Variants in USP6NL observed in about 807,000 individuals in gnomAD.
The protein encoded by USP6NL is USP6 N-terminal like, also known as USP6 N-terminal-like protein.
Under a neutral mutation model 61.9 loss-of-function variants are expected in USP6NL, and 26 were observed. That is an observed-to-expected ratio of 0.42 (90% CI 0.31 to 0.58). USP6NL has a LOEUF of 0.58. USP6NL is among the 20% of genes least tolerant of loss of function. USP6NL has a pLI of 0.16. For synonymous variants in USP6NL, 432 were observed against 390.1 expected (o/e 1.11, Z -1.27); for missense variants, 1,114 against 1,034.3 (o/e 1.08, Z -1.06).
chr10:11,581,388 G>A (rs1207319178), intron 2 of USP6NL, among the ~76,000 whole-genome samples: 3 of 152,200 alleles, frequency 2.0e-5, no homozygotes, highest in Non-Finnish European at 2.9e-5. Flanking sequence ...AGAATATTTG[G>A]ACTCTGCTCT....
intron 2 of USP6NL, among the ~76,000 whole-genome samples, chr10:11,582,520 T>A (rs11257181): frequency 0.067 from 10,264 of 152,306 alleles, 456 homozygotes; most frequent in South Asian, 0.18. Flanking sequence ...TAAAAATTCA[T>A]TGACAACTTG....
chr10:11,546,965 C>T (rs1836293466), intron 2 of USP6NL, among the ~76,000 whole-genome samples: 7 of 152,170 alleles, frequency 4.6e-5, no homozygotes, highest in South Asian at 2.1e-4. Flanking sequence ...TTCCCCAAAT[C>T]GACAGCCAAT....
intron 6 of USP6NL, among the ~76,000 whole-genome samples, chr10:11,504,035 C>T (rs1027585153): frequency 6.6e-6 from 1 of 152,068 alleles, no homozygotes; most frequent in African/African-American, 2.4e-5. Context: ...ACACCAAAAA[C>T]TTAAAAGGAA....
intron 5 of USP6NL, among the ~76,000 whole-genome samples, chr10:11,512,231 C>T (rs34959719): frequency 0.32 from 48,187 of 151,914 alleles, 8,190 homozygotes; most frequent in East Asian, 0.67. Flanking sequence ...TCGACATATC[C>T]GAAACTATTT....
chr10:11,485,990 T>G lies in USP6NL; in HGVS notation c.665-79A>C. On this transcript the variant is annotated intron_variant, in intron 10 of 14. Coordinates refer to ENST00000609104, the MANE Select transcript of USP6NL (RefSeq NM_014688.5). This position sits in a 1 kb window ranked among gnomAD's most constrained non-coding sequence, Gnocchi z 4.8. ...CAATCTTAAAACACAACATATTTCA[T>G]TTGTAACTGTCAAAAATAAAAAGAA... is the stretch of plus-strand genomic sequence containing the variant. 1 of 981,676 alleles carries G rather than the reference T, an allele frequency of 1.0e-6. No homozygotes were observed. The highest frequency in any genetic ancestry group is 2.8e-5 in the East Asian group (1 of 35,132). The allele number at this position is 981,676 out of a possible 1,614,324, so 60.8% of individuals were successfully genotyped here.
chr10:11,546,820 T>C (rs1198580294), intron 2 of USP6NL, among the ~76,000 whole-genome samples: 4 of 152,226 alleles, frequency 2.6e-5, no homozygotes, highest in Non-Finnish European at 5.9e-5. Flanking sequence ...AATTGCCTAC[T>C]TCCTTTTAAA....
In USP6NL at chr10:11,462,722, A is replaced by G; in HGVS notation, c.2206T>C (p.Trp736Arg). ...CTGTATGTATAACTAACTTCTGACC[A>G]TGTTCTGTTATCTGGCAAGTAATCC... ...PVDYLPDNRT[W>R]SEVSYTYRPE... The change falls in exon 15 of 15, where the codon TGG becomes CGG. Residue 736 changes from tryptophan (W) to arginine (R), a missense_variant. By Grantham distance (101) the Trp-to-Arg change is moderately radical. Coordinates refer to ENST00000609104, the MANE Select transcript of USP6NL (RefSeq NM_014688.5). 1 of 1,614,032 alleles carries G rather than the reference A, an allele frequency of 6.2e-7. No homozygotes were observed. The highest frequency in any genetic ancestry group is 8.5e-7 in the Non-Finnish European group (1 of 1,179,902).
In USP6NL at chr10:11,462,886, G is replaced by A. The variant is rs2096221539; in HGVS notation, c.2042C>T (p.Pro681Leu). Residue 681 changes from proline (P) to leucine (L), a missense_variant, in exon 15 of 15, where the codon CCG (proline) becomes CTG (leucine). Coordinates refer to ENST00000609104, the MANE Select transcript of USP6NL (RefSeq NM_014688.5). ...GCTTGGGCGGCTGTAAGATTTCTCC[G>A]GAGAAGCACTGACGGAAAGAGTAGA... ...HGSTLSVSAS[P>L]EKSYSRPSPL... The A allele has an allele frequency of 1.2e-6, 2 of 1,613,654 alleles. No individual in the cohort carries two copies. Among genetic ancestry groups the A allele is most frequent in the Non-Finnish European group, 8.5e-7 (1 of 1,179,760 alleles).
Position 11,473,759 on chromosome 10 carries a change from C to G in USP6NL, c.1078+8011G>C, listed in dbSNP as rs1008741688. On this transcript the variant is annotated intron_variant, in intron 14 of 14. Coordinates refer to ENST00000609104, the MANE Select transcript of USP6NL (RefSeq NM_014688.5). ...CTAATAATAATACTGATCGCAAACT[C>G]CCCATGAAAACTATTCAAAATTAAA... Among the ~76,000 whole-genome samples, 44 of 152,220 alleles carry G rather than the reference C, an allele frequency of 2.9e-4. 1 individual carries two copies. Among genetic ancestry groups the G allele is most frequent in the African/African-American group, 1.0e-3 (43 of 41,532 alleles).
In USP6NL at chr10:11,528,152, CA is replaced by C. The variant is rs1566160088; in HGVS notation, c.5-586del. Among the ~76,000 whole-genome samples the C allele has an allele frequency of 2.0e-5, 3 of 151,826 alleles. No homozygotes were observed. Among genetic ancestry groups the C allele is most frequent in the African/African-American group, 7.3e-5 (3 of 41,326 alleles). ...AGACACACACACACACACACACACA[CA>C]CACACACCCTTCATCCTTATTAACA... On this transcript the variant is annotated intron_variant, in intron 2 of 14. Coordinates refer to ENST00000609104, the MANE Select transcript of USP6NL (RefSeq NM_014688.5). This position sits in a 1 kb window ranked among gnomAD's most constrained non-coding sequence, Gnocchi z 4.6.
At chr10:11,512,172 A>G (rs1393861675) in intron 5 of USP6NL, among the ~76,000 whole-genome samples, 1 of 152,216 alleles carries the variant, frequency 6.6e-6, no homozygotes, top group Non-Finnish European at 1.5e-5. Flanking sequence ...AAACTGGAAT[A>G]TAATAGTGTA....
rs1449787190 is a variant in USP6NL, at chr10:11,562,995, AAAAATAAAAAAT to A, written c.4+34624_4+34635del. ...TAGTAGCTTTATTTGTAATAGTAAA[AAAAATAAAAAAT>A]AAAATAAAATAAATAAAAAACTTGA... On this transcript the variant is annotated intron_variant, in intron 2 of 14. Coordinates refer to ENST00000609104, the MANE Select transcript of USP6NL (RefSeq NM_014688.5). This position sits in a 1 kb window ranked among gnomAD's most constrained non-coding sequence, Gnocchi z 4.8. Among the ~76,000 whole-genome samples, 2 of 151,872 alleles carry A rather than the reference AAAAATAAAAAAT, an allele frequency of 1.3e-5. No homozygotes were observed. Among genetic ancestry groups the A allele is most frequent in the African/African-American group, 4.8e-5 (2 of 41,414 alleles).
intron 2 of USP6NL, among the ~76,000 whole-genome samples, chr10:11,539,832 T>C (rs1316143596): frequency 6.6e-6 from 1 of 152,246 alleles, no homozygotes; most frequent in Non-Finnish European, 1.5e-5. Flanking sequence ...TGCTGAGCAT[T>C]TAACATGCAT....
In USP6NL at chr10:11,462,675, T is replaced by G. The variant is rs538264944; in HGVS notation, c.2253A>C (p.Ser751=). The G allele has an allele frequency of 6.2e-7, 1 of 1,613,894 alleles. No homozygotes were observed. Among genetic ancestry groups the G allele is most frequent in the Non-Finnish European group, 8.5e-7 (1 of 1,179,904 alleles). Residue 751 remains serine, a synonymous_variant, in exon 15 of 15, where the codon TCA becomes TCC. Coordinates refer to ENST00000609104, the MANE Select transcript of USP6NL (RefSeq NM_014688.5). The part of the protein sequence containing the change: ...YTYRPETQGQ[S]WTRDASRGNL... ...TGCCACGGCTAGCATCTCGGGTCCA[T>G]GATTGTCCCTGCGTCTCAGGTCTGT...
rs1028931532 is a variant in USP6NL, at chr10:11,561,165, A to C, written c.5-33598T>G. Reference sequence around the variant, plus strand: ...TAGTTTCATCCAGAATAGCTAAAATATGTTTGTGCTTTATACATCCAAAAA... The same window carrying C: ...TAGTTTCATCCAGAATAGCTAAAATCTGTTTGTGCTTTATACATCCAAAAA... On this transcript the variant is annotated intron_variant, in intron 2 of 14. Coordinates refer to ENST00000609104, the MANE Select transcript of USP6NL (RefSeq NM_014688.5). This position sits in a 1 kb window ranked among gnomAD's most constrained non-coding sequence, Gnocchi z 4.1. Among the ~76,000 whole-genome samples, 3 of 152,206 alleles carry C rather than the reference A, an allele frequency of 2.0e-5. No individual in the cohort carries two copies. The highest frequency in any genetic ancestry group is 7.2e-5 in the African/African-American group (3 of 41,466).
intron 2 of USP6NL, among the ~76,000 whole-genome samples, chr10:11,578,092 T>C (rs1416705367): frequency 6.6e-6 from 1 of 152,200 alleles, no homozygotes; most frequent in Non-Finnish European, 1.5e-5. Flanking sequence ...CCCAAGTAGC[T>C]GGGACCACCA....
chr10:11,463,839 A>G lies in USP6NL; in HGVS notation c.1089T>C (p.Asp363=). The G allele has an allele frequency of 6.8e-7, 1 of 1,461,168 alleles. No homozygotes were observed. The highest frequency in any genetic ancestry group is 2.5e-5 in the East Asian group (1 of 40,338). 90.5% of individuals were successfully genotyped at this position (1,461,168 alleles called of 1,614,324 possible). A position where few individuals can be genotyped will look rare whatever the true frequency, so the allele number is the denominator to read the frequency against. The change falls in exon 15 of 15, where the codon GAT becomes GAC. Residue 363 remains aspartate (D), a synonymous_variant. Transcript: ENST00000609104. This position sits in a 1 kb window ranked among gnomAD's most constrained non-coding sequence, Gnocchi z 6.3. ...GCCCCAAGGGCTTCTTTGGATATTC[A>G]TCCTCTTTACCTGAAAAGAAAGAGA... ...KLDLPEPGKE[D]EYPKKPLGQL...
At position 11,604,503 on chromosome 10, in the gene USP6NL, G is replaced by A. The variant is rs141524903; in HGVS notation, c.-83-6786C>T. On this transcript the variant is annotated intron_variant, in intron 1 of 14. Coordinates refer to ENST00000609104, the MANE Select transcript of USP6NL (RefSeq NM_014688.5). The stretch of plus-strand genomic sequence containing the variant: ...CTCAGTTTCAGGGGAGAATTTGGAT[G>A]GCATTCTTTTGGTAAGCCTCAATGA... 2.4e-3 allele frequency among the ~76,000 whole-genome samples: 364 copies of A among 152,264 alleles called. 2 individuals carry two copies. The highest frequency in any genetic ancestry group is 8.1e-3 in the African/African-American group (338 of 41,552).
chr10:11,596,038 C>G lies in USP6NL; in HGVS notation c.4+1593G>C, dbSNP rs2399724. ...CTCGCAAGACTTTGATCTTTGTTTT[C>G]TAGGGTAAGCAGTATACAAGACACC... On this transcript the variant is annotated intron_variant, in intron 2 of 14. Coordinates refer to ENST00000609104, the MANE Select transcript of USP6NL (RefSeq NM_014688.5). The surrounding 1 kb of genome is among the most constrained non-coding windows in gnomAD (Gnocchi z 4.1). Among the ~76,000 whole-genome samples the G allele has an allele frequency of 0.11, 17,292 of 152,168 alleles. 1,296 individuals carry two copies. Among genetic ancestry groups the G allele is most frequent in the East Asian group, 0.16 (823 of 5,166 alleles).
Sources: allele counts gnomAD v4.1 joint callset (sites outside exome capture counted in the v4.1 genomes callset), GRCh38; gene constraint gnomAD v4.1.1; non-coding constraint Gnocchi (gnomAD v3.1); transcripts MANE v1.5; gene names NCBI Gene and HGNC (gene_info 2026-07-23, HGNC 2026-07-21).